DMD: variants seen among roughly 807,000 people sequenced by gnomAD.
The protein encoded by DMD is mutant dystrophin.
In DMD, 63 loss-of-function variants were observed where a neutral mutation model predicts 330.1. The observed-to-expected ratio is 0.19, with a 90% CI of 0.16 to 0.24. DMD has a LOEUF of 0.24. DMD is among the 10% of genes least tolerant of loss of function. DMD has a pLI of 1.00. For missense variants in DMD, 3,344 were observed against 2,684.1 expected, an observed-to-expected ratio of 1.25 and a Z score of -5.43; for synonymous variants, 1,223 against 959.8, an observed-to-expected ratio of 1.27 and a Z score of -5.07.
intron 60 of DMD, among the ~76,000 whole-genome samples, chrX:31,399,806 C>T (rs957916104): frequency 9.0e-6 from 1 of 111,473 alleles, no homozygotes; most frequent in African/African-American, 3.3e-5. Context: ...TTAATAGTCA[C>T]TGAGAAAGGA....
chrX:32,265,513 G>C (rs2097340775), intron 43 of DMD, among the ~76,000 whole-genome samples: 1 of 112,104 alleles, frequency 8.9e-6, no homozygotes, highest in Non-Finnish European at 1.9e-5. Context: ...CTGGGGCACT[G>C]CCTAGTAGAG....
At chrX:31,844,991 C>T (rs1034277868) in intron 48 of DMD, among the ~76,000 whole-genome samples, 2 of 98,414 alleles carry the variant, frequency 2.0e-5, no homozygotes, top group Non-Finnish European at 4.2e-5. Flanking sequence ...TGGAACTGAA[C>T]CTTCAGTGTC....
At chrX:31,203,100 G>A (rs1448525249) in intron 67 of DMD, among the ~76,000 whole-genome samples, 1 of 108,925 alleles carries the variant, frequency 9.2e-6, no homozygotes, top group Non-Finnish European at 1.9e-5. Context: ...TGGCCAACCT[G>A]GTGAAACCCT....
chrX:32,343,288 T>C lies in DMD; in HGVS notation c.5587-2A>G. On this transcript the variant is annotated splice_acceptor_variant, in intron 39 of 78. Coordinates refer to ENST00000357033, the MANE Select transcript of DMD (RefSeq NM_004006.3). LOFTEE classifies it high-confidence loss of function. Reference sequence around the variant, plus strand: ...TTTTCTTCTTTGAGACCTCAAATCCTGTTCATGGTGCAGACATTATTAAAA... The same window carrying C: ...TTTTCTTCTTTGAGACCTCAAATCCCGTTCATGGTGCAGACATTATTAAAA... The C allele has an allele frequency of 8.3e-7, 1 of 1,199,241 alleles. No homozygotes were observed. Among genetic ancestry groups the C allele is most frequent in the Non-Finnish European group, 1.1e-6 (1 of 884,504 alleles).
chrX:32,167,099 C>T (rs1281131985), intron 44 of DMD, among the ~76,000 whole-genome samples: 2 of 111,808 alleles, frequency 1.8e-5, no homozygotes, highest in Non-Finnish European at 3.8e-5. Flanking sequence ...TCACCCCTAC[C>T]TGTGCATTCA....
chrX:31,435,482 T>C (rs1052711688), intron 60 of DMD: 7 of 112,108 alleles, frequency 6.2e-5, no homozygotes, highest in African/African-American at 2.3e-4. Context: ...AAGGACATTA[T>C]AGCATTTATA....
intron 7 of DMD, among the ~76,000 whole-genome samples, chrX:32,807,122 T>TTA (rs1345640031): frequency 5.3e-4 from 11 of 20,738 alleles, no homozygotes; most frequent in African/African-American, 2.2e-3. Context: ...CGGAAACATT[T>TTA]AAAAAAAAAA....
intron 12 of DMD, among the ~76,000 whole-genome samples, chrX:32,603,563 A>T (rs748272451): frequency 9.0e-6 from 1 of 111,501 alleles, no homozygotes; most frequent in African/African-American, 3.2e-5. Flanking sequence ...AATTAAAAAA[A>T]TTAGAGAGTT....
At chrX:32,659,695 G>A (rs1338898062) in intron 9 of DMD, among the ~76,000 whole-genome samples, 2 of 110,751 alleles carry the variant, frequency 1.8e-5, no homozygotes, top group Non-Finnish European at 3.8e-5. Flanking sequence ...ACCTTATACT[G>A]ATATGAGGAC....
At chrX:31,364,825 C>T (rs930980630) in intron 60 of DMD, among the ~76,000 whole-genome samples, 5 of 111,264 alleles carry the variant, frequency 4.5e-5, no homozygotes, top group South Asian at 3.8e-4. Flanking sequence ...AGGCTGGGTG[C>T]GGTGGCTCAC....
At chrX:31,316,551 C>A (rs1400481357) in intron 62 of DMD, among the ~76,000 whole-genome samples, 1 of 111,628 alleles carries the variant, frequency 9.0e-6, no homozygotes, top group African/African-American at 3.3e-5. Flanking sequence ...CATCTCCCAA[C>A]AAGATCTATA....
At chrX:32,335,862 C>A (rs944394609) in intron 41 of DMD, among the ~76,000 whole-genome samples, 3 of 103,410 alleles carry the variant, frequency 2.9e-5, no homozygotes, top group Non-Finnish European at 5.9e-5. Flanking sequence ...TTATATTCAA[C>A]GTTATATGTG....
intron 62 of DMD, among the ~76,000 whole-genome samples, chrX:31,322,948 T>C (rs974475569): frequency 8.9e-6 from 1 of 111,733 alleles, no homozygotes; most frequent in African/African-American, 3.2e-5. Flanking sequence ...TCACTCAATA[T>C]CCTCTCTCCT....
chrX:32,194,159 G>T (rs766269758), intron 44 of DMD, among the ~76,000 whole-genome samples: 27 of 112,327 alleles, frequency 2.4e-4, no homozygotes, highest in African/African-American at 8.1e-4. Flanking sequence ...ATCTTTAAAA[G>T]AATTTCAACT....
intron 30 of DMD, among the ~76,000 whole-genome samples, chrX:32,399,807 C>A (rs1269754796): frequency 1.8e-5 from 2 of 111,770 alleles, no homozygotes; most frequent in Non-Finnish European, 3.8e-5. Context: ...GCACTGTTCA[C>A]AAAAGTCAAG....
intron 2 of DMD, among the ~76,000 whole-genome samples, chrX:32,867,238 AGT>A (rs1458895791): frequency 2.7e-5 from 3 of 111,653 alleles, no homozygotes; most frequent in African/African-American, 9.8e-5. Context: ...TTAGATAAAA[AGT>A]GTGTTTATCT....
At chrX:32,316,468 G>A (rs375049181) in intron 41 of DMD, among the ~76,000 whole-genome samples, 3 of 111,015 alleles carry the variant, frequency 2.7e-5, no homozygotes, top group African/African-American at 9.8e-5. Flanking sequence ...TAATGAAGAC[G>A]GATCTATTGA....
chrX:31,455,497 A>C (rs1417787499), intron 59 of DMD, among the ~76,000 whole-genome samples: 1 of 112,161 alleles, frequency 8.9e-6, no homozygotes, highest in Non-Finnish European at 1.9e-5. Flanking sequence ...TTCTGTACTA[A>C]TTACTAATAC....
At chrX:31,125,603 T>C (rs748039313) in intron 78 of DMD, among the ~76,000 whole-genome samples, 1 of 112,085 alleles carries the variant, frequency 8.9e-6, no homozygotes, top group South Asian at 3.8e-4. Context: ...GATTAAATTC[T>C]TGGTAAAGAC....
Sources: allele counts gnomAD v4.1 joint callset (sites outside exome capture counted in the v4.1 genomes callset), GRCh38; gene constraint gnomAD v4.1.1; transcripts MANE v1.5; gene names NCBI Gene and HGNC (gene_info 2026-07-23, HGNC 2026-07-21).